CPNE5: variants seen among roughly 807,000 people sequenced by gnomAD.
CPNE5 encodes copine-5.
Under a neutral mutation model 81.1 loss-of-function variants are expected in CPNE5, and 42 were observed. The observed-to-expected ratio is 0.52, with a 90% CI of 0.40 to 0.67. The LOEUF is 0.67. Ranked by LOEUF, CPNE5 falls within the 30% of genes least tolerant of loss-of-function variation. CPNE5 has a pLI of 0.00. For missense variants in CPNE5, 612 were observed against 815.5 expected, an observed-to-expected ratio of 0.75 and a Z score of 3.04; for synonymous variants, 313 against 321.5, an observed-to-expected ratio of 0.97 and a Z score of 0.28.
At chr6:36,826,100 G>C (rs1255525041) in intron 1 of CPNE5, among the ~76,000 whole-genome samples, 1 of 152,144 alleles carries the variant, frequency 6.6e-6, no homozygotes, top group Non-Finnish European at 1.5e-5. Context: ...AGGCTAGGGA[G>C]AAAGAGAGTG....
intron 1 of CPNE5, among the ~76,000 whole-genome samples, chr6:36,823,377 G>A (rs960480861): frequency 2.0e-5 from 3 of 152,150 alleles, no homozygotes; most frequent in Admixed American, 6.5e-5. Context: ...GCCCTGTGTC[G>A]CACAGCCACT....
intron 19 of CPNE5, 81 bp downstream of exon 19, chr6:36,744,187 G>T: frequency 8.6e-7 from 1 of 1,167,092 alleles, no homozygotes; most frequent in Non-Finnish European, 1.3e-6. Flanking sequence ...GGGGACCACA[G>T]CCTCTGGGGA....
At chr6:36,773,433 A>G (rs1767219917) in intron 10 of CPNE5, among the ~76,000 whole-genome samples, 1 of 152,152 alleles carries the variant, frequency 6.6e-6, no homozygotes, top group South Asian at 2.1e-4. Flanking sequence ...TCCTTGTGTG[A>G]TTATTGGATT....
At chr6:36,777,169 AG>A (rs34085629) in intron 9 of CPNE5, among the ~76,000 whole-genome samples, 110,424 of 151,938 alleles carry the variant, frequency 0.73, 40,385 homozygotes, top group Middle Eastern at 0.82. Flanking sequence ...CTCCACTGCC[AG>A]GGAGAGGGCT....
chr6:36,816,130 A>G (rs1771525714), intron 3 of CPNE5, among the ~76,000 whole-genome samples: 1 of 152,202 alleles, frequency 6.6e-6, no homozygotes. Flanking sequence ...CTGAGACTTG[A>G]GAAGATAAAT....
chr6:36,786,261 G>A (rs1050094562), intron 8 of CPNE5, among the ~76,000 whole-genome samples: 2 of 152,164 alleles, frequency 1.3e-5, no homozygotes, highest in Non-Finnish European at 2.9e-5. Context: ...GGGCTCACGG[G>A]ATAGGATGGC....
rs959556391 is a variant in CPNE5, at chr6:36,743,838, T to C, written c.1490-76A>G. On this transcript the variant is annotated intron_variant, in intron 19 of 20. Transcript: ENST00000244751. Reference sequence around the variant, plus strand: ...TGGCCCTAGCAGGAGAGTGGACTTGTCCTTTCATCCCAGGCCAATCCAGGG... The same window carrying C: ...TGGCCCTAGCAGGAGAGTGGACTTGCCCTTTCATCCCAGGCCAATCCAGGG... 6.8e-5 allele frequency: 89 copies of C among 1,301,392 alleles called. No homozygotes were observed. In the Admixed American group the frequency reaches 1.5e-3, roughly 22 times the overall value. The allele number at this position is 1,301,392 out of a possible 1,614,324, so 80.6% of individuals were successfully genotyped here.
chr6:36,806,917 C>T (rs1002526309), intron 3 of CPNE5, among the ~76,000 whole-genome samples: 2 of 152,256 alleles, frequency 1.3e-5, no homozygotes, highest in Non-Finnish European at 2.9e-5. Context: ...GGCCCCCCAA[C>T]ACCAGCCTCC....
At chr6:36,801,067 A>G (rs1019492152) in intron 3 of CPNE5, among the ~76,000 whole-genome samples, 1 of 152,220 alleles carries the variant, frequency 6.6e-6, no homozygotes, top group African/African-American at 2.4e-5. Context: ...TGCTGTTTAA[A>G]CCACTAAATT....
intron 3 of CPNE5, 58 bp from the exon 4 acceptor site, chr6:36,800,128 G>A (rs868457403): frequency 7.8e-7 from 1 of 1,281,534 alleles, no homozygotes; most frequent in Non-Finnish European, 1.1e-6. Context: ...CGGCTGGTGG[G>A]GCAGGGGAGA....
At chr6:36,819,190 C>T (rs573077790) in intron 3 of CPNE5, among the ~76,000 whole-genome samples, 1 of 152,318 alleles carries the variant, frequency 6.6e-6, no homozygotes, top group African/African-American at 2.4e-5. Flanking sequence ...GCAACCTCCA[C>T]CTCCTGGGTT....
chr6:36,802,520 G>A (rs1387046679), intron 3 of CPNE5, among the ~76,000 whole-genome samples: 3 of 152,164 alleles, frequency 2.0e-5, no homozygotes, highest in Non-Finnish European at 2.9e-5. Context: ...GGTGCTGTTC[G>A]TTACAATATT....
At chr6:36,838,044 G>A (rs2150638262) in intron 1 of CPNE5, among the ~76,000 whole-genome samples, 1 of 152,218 alleles carries the variant, frequency 6.6e-6, no homozygotes, top group South Asian at 2.1e-4. Context: ...GCTTAGGGGG[G>A]AAGCTACGTT....
intron 10 of CPNE5, among the ~76,000 whole-genome samples, chr6:36,772,295 T>C (rs923869029): frequency 1.3e-5 from 2 of 152,118 alleles, no homozygotes; most frequent in East Asian, 3.9e-4. Context: ...CCTCCACCCC[T>C]GACTTTCCAG....
chr6:36,781,311 T>C (rs1438577171), intron 8 of CPNE5, among the ~76,000 whole-genome samples: 1 of 152,138 alleles, frequency 6.6e-6, no homozygotes, highest in African/African-American at 2.4e-5. Context: ...CCTCAGGCCC[T>C]GAATAAAAGA....
intron 3 of CPNE5, among the ~76,000 whole-genome samples, chr6:36,821,056 T>C (rs1330248706): frequency 6.6e-6 from 1 of 152,036 alleles, no homozygotes; most frequent in Non-Finnish European, 1.5e-5. Context: ...GAATGTTAGA[T>C]AGGGTGGCCA....
intron 13 of CPNE5, 56 bp downstream of exon 13, chr6:36,756,189 T>C: frequency 1.4e-6 from 2 of 1,444,870 alleles, no homozygotes; most frequent in South Asian, 1.2e-5. Context: ...ATACCAGACC[T>C]AGCTTGGGGC....
Position 36,766,735 on chromosome 6 carries a change from G to A in CPNE5, c.738-1359C>T, listed in dbSNP as rs1323523257. On this transcript the variant is annotated intron_variant, in intron 10 of 20. Coordinates refer to ENST00000244751, the MANE Select transcript of CPNE5 (RefSeq NM_020939.2). The surrounding 1 kb of genome is among the most constrained non-coding windows in gnomAD (Gnocchi z 4.2). ...CACCATTGAAAGGAGAAGTAATAAC[G>A]GCCTTGCAGAACAGCTGCAAGAACA... Among the ~76,000 whole-genome samples, 1 of 152,166 alleles carries A rather than the reference G, an allele frequency of 6.6e-6. No individual in the cohort carries two copies. The highest frequency in any genetic ancestry group is 1.5e-5 in the Non-Finnish European group (1 of 68,030).
Position 36,755,707 on chromosome 6 carries a change from A to AGGCC in CPNE5, c.909+534_909+537dup, listed in dbSNP as rs759485802. 119 of 159,368 alleles carry AGGCC rather than the reference A, an allele frequency of 7.5e-4. 1 individual carries two copies. Among genetic ancestry groups the AGGCC allele is most frequent in the South Asian group, 2.0e-3 (11 of 5,508 alleles). 9.9% of individuals were successfully genotyped at this position (159,368 alleles called of 1,614,324 possible). A position where few individuals can be genotyped will look rare whatever the true frequency, so the allele number is the denominator to read the frequency against. On this transcript the variant is annotated intron_variant, in intron 13 of 20. Coordinates refer to ENST00000244751, the MANE Select transcript of CPNE5 (RefSeq NM_020939.2). ...TCAAGACCAGCCCCGAGAAGCCACT[A>AGGCC]GGCCGGCGTGTCATCCCAGGAAGGT... is the stretch of plus-strand genomic sequence containing the variant.
Sources: allele counts gnomAD v4.1 joint callset (sites outside exome capture counted in the v4.1 genomes callset), GRCh38; gene constraint gnomAD v4.1.1; non-coding constraint Gnocchi (gnomAD v3.1); transcripts MANE v1.5; gene names NCBI Gene and HGNC (gene_info 2026-07-23, HGNC 2026-07-21).